COL5A1: variants seen among roughly 807,000 people sequenced by gnomAD.
The protein encoded by COL5A1 is collagen alpha-1(V) chain.
In COL5A1, 16 loss-of-function variants were observed where a neutral mutation model predicts 263.7. That is an observed-to-expected ratio of 0.06 (90% confidence interval 0.04 to 0.09). The LOEUF (loss-of-function observed/expected upper bound fraction) is 0.09, where lower values mean the gene tolerates loss of function less well. COL5A1 is among the 10% of genes least tolerant of loss of function. The pLI, the probability that COL5A1 is intolerant of heterozygous loss-of-function variation, is 1.00. For synonymous variants in COL5A1, 1,012 were observed against 1,004.5 expected, an observed-to-expected ratio of 1.01 and a Z score of -0.14; for missense variants, 2,036 against 2,540.5, an observed-to-expected ratio of 0.80 and a Z score of 4.27.
intron 65 of COL5A1, among the ~76,000 whole-genome samples, chr9:134,838,390 A>AG (rs981049288): frequency 8.5e-5 from 13 of 152,234 alleles, no homozygotes; most frequent in Non-Finnish European, 1.3e-4. Context: ...AAGGGCAAAG[A>AG]GGACCTGCTC....
At position 134,794,012 on chromosome 9, in the gene COL5A1, A is replaced by T. The variant is rs1837808825; in HGVS notation, c.2701-1070A>T. Among the ~76,000 whole-genome samples, 1 of 152,206 alleles carries T rather than the reference A, an allele frequency of 6.6e-6. No individual in the cohort carries two copies. The highest frequency in any genetic ancestry group is 6.5e-5 in the Admixed American group (1 of 15,282). ...TGATGGCCTCCAGCCATACAGATCC[A>T]CCTTGGGCGGAGCATCAGAAACCAG... On this transcript the variant is annotated intron_variant, in intron 32 of 65. Coordinates refer to ENST00000371817, the MANE Select transcript of COL5A1 (RefSeq NM_000093.5). The surrounding 1 kb of genome is among the most constrained non-coding windows in gnomAD (Gnocchi z 4.3).
At position 134,835,048 on chromosome 9, in the gene COL5A1, C is replaced by G; in HGVS notation, c.5214C>G (p.Ala1738=). 6.2e-7 allele frequency: 1 copy of G among 1,613,524 alleles called. No homozygotes were observed. Among genetic ancestry groups the G allele is most frequent in the Non-Finnish European group, 8.5e-7 (1 of 1,180,020 alleles). ...MTFLRLLSAS[A]HQNVTYHCYQ... ...TCCTGCGGCTGCTGAGCGCCTCTGCCCACCAGAACGTCACCTACCACTGCT... is the reference window on the plus strand; with the variant it reads ...TCCTGCGGCTGCTGAGCGCCTCTGCGCACCAGAACGTCACCTACCACTGCT... Residue 1738 remains alanine, a synonymous_variant, in exon 65 of 66, where the codon GCC becomes GCG. Coordinates refer to ENST00000371817, the MANE Select transcript of COL5A1 (RefSeq NM_000093.5).
Position 134,789,267 on chromosome 9 carries a change from G to A in COL5A1, c.2700+59G>A. 6.9e-7 allele frequency: 1 copy of A among 1,444,574 alleles called. No individual in the cohort carries two copies. Among genetic ancestry groups the A allele is most frequent in the Non-Finnish European group, 9.7e-7 (1 of 1,030,508 alleles). The allele number at this position is 1,444,574 out of a possible 1,614,324, so 89.5% of individuals were successfully genotyped here. A position where few individuals can be genotyped will look rare whatever the true frequency, so the allele number is the denominator to read the frequency against. ...GTTCGGCTGCCTCGGTGCCTAGCAA[G>A]TTGGTTCTCCAGCCGACGGCCTGTT... On this transcript the variant is annotated intron_variant, in intron 32 of 65. Transcript: ENST00000371817. The surrounding 1 kb of genome is among the most constrained non-coding windows in gnomAD (Gnocchi z 4.8).
At chr9:134,824,420 G>A (rs1452566150) in intron 61 of COL5A1, among the ~76,000 whole-genome samples, 180 bp from the exon 62 acceptor site, 2 of 152,230 alleles carry the variant, frequency 1.3e-5, no homozygotes, top group African/African-American at 4.8e-5. Flanking sequence ...GGTGTGGAAT[G>A]TTCCAGAGAC....
chr9:134,757,449 G>A lies in COL5A1; in HGVS notation c.1881+631G>A, dbSNP rs1476547107. ...TGACCTTCCGTGAAGAGTGCACCTG[G>A]GGACAGCAGCTGTGATTTGGAGATT... On this transcript the variant is annotated intron_variant, in intron 17 of 65. Coordinates refer to ENST00000371817, the MANE Select transcript of COL5A1 (RefSeq NM_000093.5). This position sits in a 1 kb window ranked among gnomAD's most constrained non-coding sequence, Gnocchi z 6.2. Among the ~76,000 whole-genome samples the A allele has an allele frequency of 6.6e-6, 1 of 152,138 alleles. No homozygotes were observed. Among genetic ancestry groups the A allele is most frequent in the African/African-American group, 2.4e-5 (1 of 41,420 alleles).
rs531431738 is a variant in COL5A1 at position 134,824,655 on chromosome 9, G to A, written c.4754G>A (p.Arg1585Gln). ...CCAATCCAGGCATCCAGGACGCGGCGGAACATCGACGCCAGCCAGCTGCTG... is the reference window on the plus strand; with the variant it reads ...CCAATCCAGGCATCCAGGACGCGGCAGAACATCGACGCCAGCCAGCTGCTG... ...PLPIQASRTR[R>Q]NIDASQLLDD... The change falls in exon 62 of 66, where the codon CGG (arginine) becomes CAG (glutamine). Residue 1585 changes from arginine (R) to glutamine (Q), a missense_variant. By Grantham distance (43) the Arg-to-Gln change is conservative (BLOSUM62 1). Around this residue, in one of 3 missense-constraint regions of COL5A1, gnomAD observed 358 missense variants for 384.6 expected, o/e 0.93. Coordinates refer to ENST00000371817, the MANE Select transcript of COL5A1 (RefSeq NM_000093.5). 20 of 1,614,048 alleles carry A rather than the reference G, an allele frequency of 1.2e-5. No homozygotes were observed. The highest frequency in any genetic ancestry group is 5.5e-5 in the South Asian group (5 of 91,086).
rs772379819 is a variant in COL5A1 at position 134,731,635 on chromosome 9, C to T, written c.1304C>T (p.Pro435Leu). The change falls in exon 8 of 66, where the codon CCG becomes CTG. Residue 435 changes from proline (P) to leucine (L), a missense_variant. Physicochemically the swap from Pro to Leu is moderately conservative, Grantham distance 98. Transcript: ENST00000371817. ...SSPSEIGPGM[P>L]ANQDTIYEGI... ...CCGTCGGAGATCGGGCCGGGAATGC[C>T]GGCGAACCAGGATACCATCTATGAA... 1.9e-5 allele frequency: 30 copies of T among 1,613,808 alleles called. No individual in the cohort carries two copies. The highest frequency in any genetic ancestry group is 1.6e-4 in the Middle Eastern group (1 of 6,082).
intron 63 of COL5A1, 118 bp from the exon 64 acceptor site, chr9:134,829,858 C>G (rs1287651492): frequency 1.3e-5 from 15 of 1,155,988 alleles, no homozygotes; most frequent in South Asian, 1.2e-4. Context: ...CTGCAGCCCC[C>G]CCGGCGTGAG....
At chr9:134,743,345 C>T (rs759337427) in intron 11 of COL5A1, among the ~76,000 whole-genome samples, 34 of 152,192 alleles carry the variant, frequency 2.2e-4, no homozygotes, top group East Asian at 1.2e-3. Context: ...AATTGACTCC[C>T]GAGAGCGCCA....
chr9:134,817,734 CT>C (rs1564479985), intron 53 of COL5A1, 43 bp from the exon 54 acceptor site: 1 of 1,595,754 alleles, frequency 6.3e-7, no homozygotes, highest in East Asian at 2.3e-5. Context: ...CCCTCCACCC[CT>C]GCAGGCCACA....
intron 42 of COL5A1, among the ~76,000 whole-genome samples, chr9:134,807,041 C>T (rs746796668): frequency 4.6e-5 from 7 of 152,168 alleles, no homozygotes; most frequent in South Asian, 2.1e-4. Context: ...AGCCTGCTTT[C>T]GTGAATAACC....
rs538919039 is a variant in COL5A1 at position 134,695,994 on chromosome 9, T to C, written c.278-3915T>C. 4.1e-3 allele frequency among the ~76,000 whole-genome samples: 625 copies of C among 152,246 alleles called. 4 individuals are homozygous for C. Among genetic ancestry groups the C allele is most frequent in the African/African-American group, 0.014 (587 of 41,540 alleles). On this transcript the variant is annotated intron_variant, in intron 2 of 65. Transcript: ENST00000371817. The stretch of plus-strand genomic sequence containing the variant: ...GCCCCTGGATCCTGGGCCTCTGCCC[T>C]GGGCCTGCCATGCTCCCCTTAGCCC...
rs7038441 is a variant in COL5A1, at chr9:134,755,727, A to G, written c.1828-1038A>G. Among the ~76,000 whole-genome samples the G allele has an allele frequency of 0.23, 34,546 of 152,038 alleles. 4,052 individuals are homozygous for G. Among genetic ancestry groups the G allele is most frequent in the East Asian group, 0.34 (1,761 of 5,148 alleles). On this transcript the variant is annotated intron_variant, in intron 16 of 65. Coordinates refer to ENST00000371817, the MANE Select transcript of COL5A1 (RefSeq NM_000093.5). This position sits in a 1 kb window ranked among gnomAD's most constrained non-coding sequence, Gnocchi z 4.1. ...TCCCAATGGGCCCCTCCATTTGCCC[A>G]ACAGGGCGATGTCTTTTTGGGGAGC...
Position 134,700,160 on chromosome 9 carries a change from A to AG in COL5A1, c.491+44dup. The AG allele has an allele frequency of 1.9e-6, 3 of 1,573,002 alleles. No homozygotes were observed. Among genetic ancestry groups the AG allele is most frequent in the Non-Finnish European group, 2.6e-6 (3 of 1,158,886 alleles). On this transcript the variant is annotated intron_variant, in intron 3 of 65. Coordinates refer to ENST00000371817, the MANE Select transcript of COL5A1 (RefSeq NM_000093.5). This position sits in a 1 kb window ranked among gnomAD's most constrained non-coding sequence, Gnocchi z 4.0. Reference sequence around the variant, plus strand: ...TTCTGGGCAACTGTCCCCCTGCTGGAGGGGGGATCAGGCCAGCTCATACCA... The same window carrying AG: ...TTCTGGGCAACTGTCCCCCTGCTGGAGGGGGGGATCAGGCCAGCTCATACCA...
intron 43 of COL5A1, 123 bp from the exon 44 acceptor site, chr9:134,810,132 A>G: frequency 9.7e-7 from 1 of 1,029,512 alleles, no homozygotes. Flanking sequence ...ATTCGTAGGA[A>G]AGTTTTAGGG....
rs1318475829 is a variant in COL5A1, at chr9:134,820,129, T to C, written c.4460T>C (p.Leu1487Pro). ...GPKGEKGHPG[L>P]IGLIGPPGEQ... ...ATTTTCCCACAGGGTCATCCAGGCC[T>C]GATCGGGCTCATCGGTCCTCCGGGT... is the stretch of plus-strand genomic sequence containing the variant. Residue 1487 changes from leucine (L) to proline (P), a missense_variant, in exon 58 of 66, where the codon CTG (leucine) becomes CCG (proline). Physicochemically the swap from Leu to Pro is moderately conservative, Grantham distance 98 (BLOSUM62 -3). Transcript: ENST00000371817. The C allele has an allele frequency of 2.5e-6, 4 of 1,613,938 alleles. No homozygotes were observed. Among genetic ancestry groups the C allele is most frequent in the Non-Finnish European group, 3.4e-6 (4 of 1,179,930 alleles).
Position 134,700,051 on chromosome 9 carries a change from C to T in COL5A1, c.420C>T (p.Tyr140=), listed in dbSNP as rs540553997. 5.8e-5 allele frequency: 93 copies of T among 1,613,320 alleles called. No individual in the cohort carries two copies. Among genetic ancestry groups the T allele is most frequent in the East Asian group, 1.3e-4 (6 of 44,882 alleles). The change falls in exon 3 of 66, where the codon TAC becomes TAT. Residue 140 remains tyrosine, a synonymous_variant. Transcript: ENST00000371817. The surrounding 1 kb of genome is among the most constrained non-coding windows in gnomAD (Gnocchi z 4.0). ...LELGRSPVFL[Y]EDHTGKPGPE... ...TGGGCCGCTCTCCCGTCTTCCTCTA[C>T]GAGGACCACACGGGGAAGCCTGGCC...
intron 27 of COL5A1, among the ~76,000 whole-genome samples, chr9:134,775,292 A>C (rs9409991): frequency 0.31 from 47,494 of 152,208 alleles, 7,675 homozygotes; most frequent in East Asian, 0.62. Context: ...GCTGAAGCCA[A>C]GAGCCTGGCC....
chr9:134,646,398 A>G (rs1039018054), intron 1 of COL5A1, among the ~76,000 whole-genome samples: 11 of 152,050 alleles, frequency 7.2e-5, no homozygotes, highest in African/African-American at 2.7e-4. Context: ...TATTGCAGAA[A>G]TGACCCTCCT....
Sources: allele counts gnomAD v4.1 joint callset (sites outside exome capture counted in the v4.1 genomes callset), GRCh38; gene constraint gnomAD v4.1.1; regional missense constraint gnomAD v4.1.1; non-coding constraint Gnocchi (gnomAD v3.1); transcripts MANE v1.5; gene names NCBI Gene and HGNC (gene_info 2026-07-23, HGNC 2026-07-21).